The following STS variants were observed in gnomAD, a reference collection of about 807,000 sequenced individuals.
STS encodes the protein steryl-sulfatase.
In STS, 7 loss-of-function variants were observed where a neutral mutation model predicts 26.8. The ratio of observed to expected loss-of-function variants is 0.26; its 90% CI spans 0.15 to 0.49. The LOEUF (loss-of-function observed/expected upper bound fraction) is 0.49. Ranked by LOEUF, STS falls within the 20% of genes least tolerant of loss-of-function variation. STS has a pLI of 0.98. For missense variants in STS, 434 were observed against 465.6 expected (o/e 0.93, Z 0.63); for synonymous variants, 199 against 189.4 (o/e 1.05, Z -0.42).
intron 8 of STS, among the ~76,000 whole-genome samples, chrX:7,325,105 T>G (rs1418830734): frequency 8.9e-6 from 1 of 111,996 alleles, no homozygotes; most frequent in African/African-American, 3.2e-5. Context: ...TTACAAAGTT[T>G]TTGTTCAAGA....
chrX:7,349,713 C>T (rs1021920082), intron 10 of STS, among the ~76,000 whole-genome samples, 175 bp from the exon 11 acceptor site: 2 of 111,297 alleles, frequency 1.8e-5, no homozygotes, highest in African/African-American at 3.3e-5. Context: ...TGTGTGTGGG[C>T]GTCTATGTGT....
Position 7,253,196 on chromosome X carries a change from G to A in STS, c.-4G>A, listed in dbSNP as rs1488812009. The A allele has an allele frequency of 6.6e-6, 8 of 1,210,907 alleles. No individual in the cohort carries two copies. The highest frequency in any genetic ancestry group is 1.7e-5 in the African/African-American group (1 of 57,713). On this transcript the variant is annotated splice_region_variant and 5_prime_UTR_variant, in exon 3 of 11. Transcript: ENST00000674429. ...CTTTTTGTGTCCTTGTCCTTTACAG[G>A]AAGATGAAGATCCCTTTCCTCCTAC...
chrX:7,300,193 A>T (rs754824493), intron 7 of STS, among the ~76,000 whole-genome samples: 2 of 112,095 alleles, frequency 1.8e-5, no homozygotes, highest in Non-Finnish European at 3.8e-5. Context: ...TGTTCTTGTT[A>T]TCTCCAGTTA....
chrX:7,332,602 G>T (rs1394202638), intron 9 of STS, among the ~76,000 whole-genome samples: 1 of 110,665 alleles, frequency 9.0e-6, no homozygotes, highest in Non-Finnish European at 1.9e-5. Flanking sequence ...TCACCACTGG[G>T]GGCTTTTCCT....
chrX:7,209,511 G>GA (rs1254776917), intron 2 of STS, among the ~76,000 whole-genome samples: 2 of 99,195 alleles, frequency 2.0e-5, no homozygotes, highest in Admixed American at 2.3e-4. Context: ...GATTAAAAAT[G>GA]AAAAAAATTA....
intron 7 of STS, among the ~76,000 whole-genome samples, chrX:7,289,268 A>G (rs1482105385): frequency 2.7e-5 from 3 of 111,390 alleles, no homozygotes; most frequent in Non-Finnish European, 5.7e-5. Context: ...CCTTGGTCCC[A>G]TGGGGCAGCA....
At chrX:7,252,279 A>G (rs577315454) in intron 2 of STS, 1 of 753,329 alleles carries the variant, frequency 1.3e-6, no homozygotes. Context: ...GCTGTGAACC[A>G]GTTGCTGGGA....
intron 7 of STS, among the ~76,000 whole-genome samples, chrX:7,289,476 A>G (rs1211984417): frequency 9.0e-6 from 1 of 111,125 alleles, no homozygotes; most frequent in Non-Finnish European, 1.9e-5. Flanking sequence ...AATTGCCTCC[A>G]AAGGGAGCCT....
At position 7,322,510 on chromosome X, in the gene STS, C is replaced by T. The variant is rs764818298; in HGVS notation, c.1082-2829C>T. On this transcript the variant is annotated intron_variant, in intron 8 of 10. Transcript: ENST00000674429. ...CCACCTCCCGGGTTCAAGCAATTCT[C>T]GTGCCTCATCCTCCCAAGTAGCTGG... 1.4e-4 allele frequency among the ~76,000 whole-genome samples: 16 copies of T among 111,809 alleles called. No homozygotes were observed. In the South Asian group the frequency reaches 5.3e-3, roughly 37 times the overall value.
chrX:7,258,683 G>A (rs1189022198), intron 5 of STS, among the ~76,000 whole-genome samples: 1 of 110,563 alleles, frequency 9.0e-6, no homozygotes, highest in Non-Finnish European at 1.9e-5. Flanking sequence ...TTTTTCTTTT[G>A]TGAGGCACTC....
At position 7,325,342 on chromosome X, in the gene STS, G is replaced by A. The variant is rs763512191; in HGVS notation, c.1085G>A (p.Gly362Glu). The A allele has an allele frequency of 8.3e-7, 1 of 1,209,516 alleles. No individual in the cohort carries two copies. Among genetic ancestry groups the A allele is most frequent in the African/African-American group, 1.8e-5 (1 of 57,078 alleles). Residue 362 changes from glycine to glutamate, a missense_variant, in exon 9 of 11, where the codon GGA (glycine) becomes GAA (glutamate). This residue lies in a region of STS where 229 missense variants were observed against 288.3 expected (regional missense o/e 0.79). Transcript: ENST00000674429. The stretch of plus-strand genomic sequence containing the variant: ...TACCTCTTTTTTGATCTTTTAGGAG[G>A]AAAAGCAAACAACTGGGAAGGAGGT... ...HGGSNGIYKG[G>E]KANNWEGGIR... is the part of the protein sequence containing the mutation.
intron 8 of STS, among the ~76,000 whole-genome samples, chrX:7,320,144 A>C (rs1244668671): frequency 1.0e-5 from 1 of 97,382 alleles, no homozygotes; most frequent in Non-Finnish European, 2.0e-5. Context: ...TTTATTATAT[A>C]TTTATATATT....
At position 7,351,956 on chromosome X, in the gene STS, AAG is replaced by A. The variant is rs763734935; in HGVS notation, c.*1699_*1700del. 9.1e-6 allele frequency: 1 copy of A among 109,901 alleles called. No individual in the cohort carries two copies. Among genetic ancestry groups the A allele is most frequent in the South Asian group, 3.9e-4 (1 of 2,559 alleles). 9.1% of individuals were successfully genotyped at this position (109,901 alleles called of 1,213,427 possible). A position where few individuals can be genotyped will look rare whatever the true frequency, so the allele number is the denominator to read the frequency against. On this transcript the variant is annotated 3_prime_UTR_variant, in exon 11 of 11. Transcript: ENST00000674429. ...TTTCTAAAAAAAAAAAAAAAAAAGAAAGAGAAGAAAGAAGTGATTCCTACCCC... is the reference window on the plus strand; with the variant it reads ...TTTCTAAAAAAAAAAAAAAAAAAGAAAGAAGAAAGAAGTGATTCCTACCCC...
rs182465334 is a variant in STS, at chrX:7,281,123, G to A, written c.943+5036G>A. On this transcript the variant is annotated intron_variant, in intron 7 of 10. Transcript: ENST00000674429. ...GGAGATTGGCATGAGCCAAGATTGC[G>A]CCCCTGCACTCCAGCCTGGGCAACA... is the stretch of plus-strand genomic sequence containing the variant. 1.9e-4 allele frequency among the ~76,000 whole-genome samples: 20 copies of A among 102,931 alleles called. No individual in the cohort carries two copies. In the East Asian group the frequency reaches 5.7e-3, roughly 29 times the overall value. The allele number at this position is 102,931 out of a possible 115,157, so 89.4% of individuals were successfully genotyped here.
In STS at chrX:7,330,161, A is replaced by G. The variant is rs756590015; in HGVS notation, c.1242-3825A>G. ...ATAAGCTGATTTTGGAAATAAATGG[A>G]GGACAACCTTTTGTGTTACAAAAGG... On this transcript the variant is annotated intron_variant, in intron 9 of 10. Coordinates refer to ENST00000674429, the MANE Select transcript of STS (RefSeq NM_001320752.2). Among the ~76,000 whole-genome samples the G allele has an allele frequency of 3.6e-5, 4 of 112,061 alleles. No homozygotes were observed. The South Asian group carries it at 1.5e-3, about 42-fold the overall frequency.
intron 10 of STS, among the ~76,000 whole-genome samples, chrX:7,340,055 A>C (rs1266631886): frequency 2.8e-5 from 3 of 106,401 alleles, no homozygotes; most frequent in Non-Finnish European, 5.8e-5. Context: ...TTTCTTGAAT[A>C]CAAAAAAAAA....
At chrX:7,205,475 G>C (rs1470842208) in intron 2 of STS, among the ~76,000 whole-genome samples, 1 of 111,535 alleles carries the variant, frequency 9.0e-6, no homozygotes, top group Non-Finnish European at 1.9e-5. Context: ...TCAGCTTGAG[G>C]AGCAAATAGT....
At chrX:7,225,336 G>A (rs1284378329) in intron 2 of STS, among the ~76,000 whole-genome samples, 2 of 111,317 alleles carry the variant, frequency 1.8e-5, no homozygotes, top group African/African-American at 6.5e-5. Context: ...TGCATAGTGG[G>A]GCTCATGGCT....
At chrX:7,309,458 G>A (rs1156633803) in intron 8 of STS, among the ~76,000 whole-genome samples, 1 of 110,832 alleles carries the variant, frequency 9.0e-6, no homozygotes, top group Non-Finnish European at 1.9e-5. Flanking sequence ...CTTAATACCT[G>A]TGTGATTAAA....
Sources: allele counts gnomAD v4.1 joint callset (sites outside exome capture counted in the v4.1 genomes callset), GRCh38; gene constraint gnomAD v4.1.1; regional missense constraint gnomAD v4.1.1; transcripts MANE v1.5; gene names NCBI Gene and HGNC (gene_info 2026-07-23, HGNC 2026-07-21).